The following HCK variants were observed in gnomAD, a reference collection of about 807,000 sequenced individuals.
HCK encodes tyrosine-protein kinase HCK.
In HCK, 40 loss-of-function variants were observed where a neutral mutation model predicts 70.4. That is an observed-to-expected ratio of 0.57 (90% confidence interval 0.44 to 0.74). HCK has a LOEUF of 0.74. HCK is among the 30% of genes least tolerant of loss of function. The pLI, the probability that HCK is intolerant of heterozygous loss-of-function variation, is 0.00. For synonymous variants in HCK, 245 were observed against 263.2 expected (o/e 0.93, Z 0.67); for missense variants, 568 against 697.2 (o/e 0.81, Z 2.09).
chr20:32,101,375 A>G lies in HCK; in HGVS notation c.1437A>G (p.Pro479=). 6.2e-7 allele frequency: 1 copy of G among 1,614,180 alleles called. No individual in the cohort carries two copies. Among genetic ancestry groups the G allele is most frequent in the Admixed American group, 1.7e-5 (1 of 60,014 alleles). The change falls in exon 13 of 13, where the codon CCA becomes CCG. Residue 479 remains proline, a synonymous_variant. Transcript: ENST00000375852. Reference sequence around the variant, plus strand: ...AGCGTGGATACCGGATGCCTCGCCCAGAGAACTGCCCAGAGGAGCTCTACA... The same window carrying G: ...AGCGTGGATACCGGATGCCTCGCCCGGAGAACTGCCCAGAGGAGCTCTACA...
intron 11 of HCK, among the ~76,000 whole-genome samples, chr20:32,096,499 CAAAAAAAAAA>C (rs55905450): frequency 3.2e-5 from 3 of 92,464 alleles, no homozygotes; most frequent in African/African-American, 1.2e-4. Flanking sequence ...GACTCCGTCT[CAAAAAAAAAA>C]AAAAAAAAAA....
At position 32,084,383 on chromosome 20, in the gene HCK, T is replaced by C. The variant is rs750668741; in HGVS notation, c.683-8T>C. On this transcript the variant is annotated splice_polypyrimidine_tract_variant and splice_region_variant and intron_variant, in intron 7 of 12. Transcript: ENST00000375852. The stretch of plus-strand genomic sequence containing the variant: ...GTTGCTCTCAATTGACCAGGGACTC[T>C]GTTCCAGAGGGGAACGACGGGCTCT... The C allele has an allele frequency of 6.2e-7, 1 of 1,609,472 alleles. No homozygotes were observed. Among genetic ancestry groups the C allele is most frequent in the Admixed American group, 1.7e-5 (1 of 59,376 alleles).
intron 1 of HCK, among the ~76,000 whole-genome samples, chr20:32,063,335 C>T (rs1262004817): frequency 6.6e-6 from 1 of 152,194 alleles, no homozygotes; most frequent in African/African-American, 2.4e-5. Flanking sequence ...TCATTGTAGC[C>T]TCAACCTCCC....
intron 2 of HCK, 59 bp downstream of exon 2, chr20:32,071,841 C>T: frequency 1.3e-6 from 2 of 1,579,904 alleles, no homozygotes; most frequent in Non-Finnish European, 1.7e-6. Context: ...CAACATTGCC[C>T]TAACAGCCTC....
intron 6 of HCK, among the ~76,000 whole-genome samples, chr20:32,083,117 C>T (rs1419988888): frequency 6.6e-6 from 1 of 152,000 alleles, no homozygotes; most frequent in East Asian, 1.9e-4. Context: ...GCTCATAGTC[C>T]CTTCCTGACA....
chr20:32,064,121 A>C (rs1379144435), intron 1 of HCK, among the ~76,000 whole-genome samples: 1 of 144,850 alleles, frequency 6.9e-6, no homozygotes, highest in East Asian at 2.2e-4. Flanking sequence ...CTCCAGCCTC[A>C]GCCTCCCAAG....
rs941951796 is a variant in HCK, at chr20:32,101,732, A to G, written c.*213A>G. On this transcript the variant is annotated 3_prime_UTR_variant, in exon 13 of 13. Transcript: ENST00000375852. Reference sequence around the variant, plus strand: ...ATCTGACATTCTCAGGAAGCCCCCAAGTTGATATTTCTATTTCCTGGAATG... The same window carrying G: ...ATCTGACATTCTCAGGAAGCCCCCAGGTTGATATTTCTATTTCCTGGAATG... 2.0e-5 allele frequency: 9 copies of G among 454,014 alleles called. No homozygotes were observed. The highest frequency in any genetic ancestry group is 3.1e-5 in the Non-Finnish European group (8 of 255,672). The allele number at this position is 454,014 out of a possible 1,614,324, so 28.1% of individuals were successfully genotyped here.
intron 5 of HCK, among the ~76,000 whole-genome samples, chr20:32,078,763 A>G (rs2045664480): frequency 6.6e-6 from 1 of 151,186 alleles, no homozygotes; most frequent in African/African-American, 2.4e-5. Context: ...AGGCTGAGGC[A>G]AAATAATTGC....
chr20:32,082,526 C>T (rs1275291063), intron 6 of HCK, among the ~76,000 whole-genome samples: 2 of 152,012 alleles, frequency 1.3e-5, no homozygotes, highest in East Asian at 1.9e-4. Flanking sequence ...TCTGTAATCC[C>T]AGCTACTCAG....
intron 11 of HCK, among the ~76,000 whole-genome samples, chr20:32,095,300 G>C (rs1286594894): frequency 6.6e-6 from 1 of 152,004 alleles, no homozygotes; most frequent in Admixed American, 6.6e-5. Flanking sequence ...CTGTCACCCA[G>C]GCTAGAGTGC....
At chr20:32,100,396 G>A (rs2046017732) in intron 12 of HCK, among the ~76,000 whole-genome samples, 1 of 152,216 alleles carries the variant, frequency 6.6e-6, no homozygotes, top group South Asian at 2.1e-4. Context: ...TGGCATTCGT[G>A]ACTGGCATAC....
chr20:32,063,635 G>A (rs547185914), intron 1 of HCK, among the ~76,000 whole-genome samples: 1 of 152,128 alleles, frequency 6.6e-6, no homozygotes, highest in Admixed American at 6.5e-5. Context: ...TACTCTAATA[G>A]GTCTAGTACC....
chr20:32,072,171 TACTA>T (rs1220744497), intron 2 of HCK: 9 of 192,030 alleles, frequency 4.7e-5, no homozygotes, highest in Non-Finnish European at 8.6e-5. Context: ...ACAATTGTCA[TACTA>T]ATAGTACCAA....
Position 32,072,028 on chromosome 20 carries a change from A to G in HCK, c.183+246A>G. 2 of 511,674 alleles carry G rather than the reference A, an allele frequency of 3.9e-6. 1 individual carries two copies. Among genetic ancestry groups the G allele is most frequent in the Non-Finnish European group, 6.9e-6 (2 of 291,034 alleles). 31.7% of individuals were successfully genotyped at this position (511,674 alleles called of 1,614,324 possible). On this transcript the variant is annotated intron_variant, in intron 2 of 12. Coordinates refer to ENST00000375852, the MANE Select transcript of HCK (RefSeq NM_002110.5). ...CCCCTCAGCCTGAGCTCCACCAAAC[A>G]GGTGTGAGTGAGCATCTCAGGCCTC... is the stretch of plus-strand genomic sequence containing the variant.
Position 32,079,870 on chromosome 20 carries a change from C to T in HCK, c.525C>T (p.Thr175=), listed in dbSNP as rs1428822379. The change falls in exon 6 of 13, where the codon ACC becomes ACT. Residue 175 remains threonine, a synonymous_variant. Coordinates refer to ENST00000375852, the MANE Select transcript of HCK (RefSeq NM_002110.5). The stretch of plus-strand genomic sequence containing the variant: ...CCTTCATGATCCGGGATAGCGAGAC[C>T]ACTAAAGGTGACACCAGCCCTCCCC... 6.2e-7 allele frequency: 1 copy of T among 1,611,334 alleles called. No homozygotes were observed. The highest frequency in any genetic ancestry group is 8.5e-7 in the Non-Finnish European group (1 of 1,177,660).
chr20:32,068,073 G>T (rs2045485825), intron 1 of HCK, among the ~76,000 whole-genome samples: 1 of 152,206 alleles, frequency 6.6e-6, no homozygotes, highest in South Asian at 2.1e-4. Flanking sequence ...AAGGAGGACG[G>T]ATCACCTGAG....
At position 32,088,653 on chromosome 20, in the gene HCK, CTA is replaced by C. The variant is rs777381549; in HGVS notation, c.1092+10_1092+11del. On this transcript the variant is annotated intron_variant, in intron 10 of 12. Coordinates refer to ENST00000375852, the MANE Select transcript of HCK (RefSeq NM_002110.5). ...TTGACTTCTCAGCCCAGGTGAGAGC[CTA>C]ACGAGGAAACGGGGAAGGGAAACAG... The C allele has an allele frequency of 6.2e-7, 1 of 1,609,158 alleles. No homozygotes were observed. Among genetic ancestry groups the C allele is most frequent in the South Asian group, 1.1e-5 (1 of 90,602 alleles).
intron 1 of HCK, among the ~76,000 whole-genome samples, chr20:32,065,324 A>G (rs2045439777): frequency 6.6e-6 from 1 of 152,362 alleles, no homozygotes; most frequent in East Asian, 1.9e-4. Context: ...GTGACCCAAG[A>G]ATATGCAAGA....
intron 1 of HCK, among the ~76,000 whole-genome samples, chr20:32,057,193 C>T (rs1227344411): frequency 6.6e-6 from 1 of 152,240 alleles, no homozygotes; most frequent in African/African-American, 2.4e-5. Flanking sequence ...CCAGCTTGCA[C>T]AGCCCTTGCC....
Sources: gnomAD v4.1 joint callset for allele counts (sites outside exome capture counted in the v4.1 genomes callset) on GRCh38, gnomAD v4.1.1 for gene constraint, MANE v1.5 for transcripts, NCBI Gene and HGNC (gene_info 2026-07-23, HGNC 2026-07-21) for gene names.